The following PLXNA4 variants were observed in gnomAD, a reference collection of about 807,000 sequenced individuals.
The protein encoded by PLXNA4 is plexin-A4.
Under a neutral mutation model 191.8 loss-of-function variants are expected in PLXNA4, and 44 were observed. That is an observed-to-expected ratio of 0.23 (90% CI 0.18 to 0.29). PLXNA4 has a LOEUF of 0.29. Among genes scored for constraint, PLXNA4 ranks in the 10% least tolerant of loss-of-function variants. PLXNA4 has a pLI of 1.00. For missense variants in PLXNA4, 1,800 were observed against 2,488.8 expected (o/e 0.72, Z 5.89); for synonymous variants, 1,082 against 1,009.5 (o/e 1.07, Z -1.36).
chr7:132,273,520 G>A (rs1261419802), intron 4 of PLXNA4, among the ~76,000 whole-genome samples: 2 of 152,144 alleles, frequency 1.3e-5, no homozygotes. Flanking sequence ...CTATATTGAT[G>A]AACAGCAAGA....
intron 3 of PLXNA4, among the ~76,000 whole-genome samples, chr7:132,457,888 G>T (rs143070841): frequency 2.6e-5 from 4 of 152,226 alleles, no homozygotes; most frequent in African/African-American, 9.6e-5. Context: ...GCAAGGCAAT[G>T]AATTCTCCTC....
chr7:132,577,965 T>C (rs1232115181), upstream of PLXNA4, among the ~76,000 whole-genome samples: 1 of 152,128 alleles, frequency 6.6e-6, no homozygotes, highest in Non-Finnish European at 1.5e-5. Context: ...CTTGGTAACC[T>C]GACTTTTCCA....
chr7:132,294,603 G>A (rs769649899), intron 4 of PLXNA4, among the ~76,000 whole-genome samples: 1 of 152,194 alleles, frequency 6.6e-6, no homozygotes, highest in Non-Finnish European at 1.5e-5. Context: ...GACCATGGGG[G>A]TTCAATCCAG....
intron 5 of PLXNA4, among the ~76,000 whole-genome samples, chr7:132,240,624 T>C (rs1798845806): frequency 6.6e-6 from 1 of 152,200 alleles, no homozygotes; most frequent in Non-Finnish European, 1.5e-5. Flanking sequence ...GTGGAATCAC[T>C]AAAGGGACAG....
intron 31 of PLXNA4, among the ~76,000 whole-genome samples, chr7:132,132,742 A>G (rs75062503): frequency 0.012 from 1,879 of 152,288 alleles, 39 homozygotes; most frequent in African/African-American, 0.043. Context: ...GAGTTAGATC[A>G]GAGAAAGATG....
chr7:132,294,136 G>A (rs1239729877), intron 4 of PLXNA4, among the ~76,000 whole-genome samples: 1 of 152,198 alleles, frequency 6.6e-6, no homozygotes, highest in Non-Finnish European at 1.5e-5. Flanking sequence ...TAAAAATAGA[G>A]CCAGGAGAGG....
chr7:132,161,714 C>T lies in PLXNA4; in HGVS notation c.4501-2082G>A, dbSNP rs371957877. ...CCTAGCACCCTGGCAGGCTCCCGGG[C>T]GGGCACCTAGCGCTCTGGCAGGCTC... On this transcript the variant is annotated intron_variant, in intron 24 of 31. Coordinates refer to ENST00000321063, the MANE Select transcript of PLXNA4 (RefSeq NM_020911.2). 1.4e-3 allele frequency among the ~76,000 whole-genome samples: 211 copies of T among 149,744 alleles called. 1 individual carries two copies. The East Asian group carries it at 0.019, about 13-fold the overall frequency.
chr7:132,434,314 T>C (rs2117211161), intron 3 of PLXNA4, among the ~76,000 whole-genome samples: 1 of 152,298 alleles, frequency 6.6e-6, no homozygotes, highest in South Asian at 2.1e-4. Context: ...CACATTGCTG[T>C]CCCTGGGGCC....
At chr7:132,238,965 G>C (rs1798792906) in intron 5 of PLXNA4, among the ~76,000 whole-genome samples, 1 of 150,768 alleles carries the variant, frequency 6.6e-6, no homozygotes, top group Admixed American at 6.6e-5. Flanking sequence ...AGTGAGGCAG[G>C]GGAGACAGGC....
intron 3 of PLXNA4, among the ~76,000 whole-genome samples, chr7:132,365,364 T>TGGCGC (rs1554424583): frequency 6.8e-6 from 1 of 147,214 alleles, no homozygotes; most frequent in Non-Finnish European, 1.5e-5. Context: ...TGTGTGTGCG[T>TGGCGC]GCGCGCGCAT....
At chr7:132,569,076 C>G (rs1801859108) in intron 1 of PLXNA4, among the ~76,000 whole-genome samples, 1 of 152,230 alleles carries the variant, frequency 6.6e-6, no homozygotes, top group Non-Finnish European at 1.5e-5. Flanking sequence ...GGAGTTGACT[C>G]ATGCCTCGTG....
At chr7:132,307,288 G>A (rs1259481432) in intron 3 of PLXNA4, among the ~76,000 whole-genome samples, 1 of 151,974 alleles carries the variant, frequency 6.6e-6, no homozygotes, top group Non-Finnish European at 1.5e-5. Context: ...TCCCCATTCT[G>A]CTTTTGCTTT....
chr7:132,601,869 A>G (rs1039549521), intron 2 of PLXNA4, among the ~76,000 whole-genome samples: 5 of 152,236 alleles, frequency 3.3e-5, no homozygotes, highest in African/African-American at 1.2e-4. Context: ...TGCACACACA[A>G]CAAAGATCTA....
intron 2 of PLXNA4, among the ~76,000 whole-genome samples, chr7:132,606,045 C>T (rs1585400548): frequency 6.6e-6 from 1 of 152,276 alleles, no homozygotes; most frequent in East Asian, 1.9e-4. Context: ...ACGCCTGTAA[C>T]CTCAGCTACA....
intron 3 of PLXNA4, among the ~76,000 whole-genome samples, chr7:132,358,690 A>C (rs1563055454): frequency 6.6e-6 from 1 of 152,236 alleles, no homozygotes; most frequent in Non-Finnish European, 1.5e-5. Flanking sequence ...AAGGGATAAA[A>C]ACAAGCTTTT....
At chr7:132,244,824 C>T (rs537328393) in intron 4 of PLXNA4, among the ~76,000 whole-genome samples, 1 of 152,350 alleles carries the variant, frequency 6.6e-6, no homozygotes. Context: ...CTTTAAATCA[C>T]TTTTGAAAAC....
intron 2 of PLXNA4, among the ~76,000 whole-genome samples, chr7:132,593,202 C>A (rs6947647): frequency 0.081 from 12,368 of 152,242 alleles, 1,134 homozygotes; most frequent in African/African-American, 0.22. Flanking sequence ...AATTGACGCG[C>A]AGCGTGGGCT....
chr7:132,181,119 G>A (rs980807638), intron 18 of PLXNA4, among the ~76,000 whole-genome samples: 3 of 152,216 alleles, frequency 2.0e-5, no homozygotes, highest in African/African-American at 7.2e-5. Flanking sequence ...TGACCTGCCA[G>A]TACTTGGACT....
At position 132,298,325 on chromosome 7, in the gene PLXNA4, G is replaced by A. The variant is rs1367615893; in HGVS notation, c.1372-103C>T. On this transcript the variant is annotated intron_variant, in intron 3 of 31. Coordinates refer to ENST00000321063, the MANE Select transcript of PLXNA4 (RefSeq NM_020911.2). ...TCAACAGCCAAGGGAGAGGGCATGAGTTCTGTCTCCACAGTGCTCACAGGC... is the reference window on the plus strand; with the variant it reads ...TCAACAGCCAAGGGAGAGGGCATGAATTCTGTCTCCACAGTGCTCACAGGC... The A allele has an allele frequency of 3.5e-6, 5 of 1,437,890 alleles. No homozygotes were observed. The Admixed American group carries it at 6.6e-5, about 19-fold the overall frequency. The allele number at this position is 1,437,890 out of a possible 1,614,324, so 89.1% of individuals were successfully genotyped here.
Sources: allele counts gnomAD v4.1 joint callset (sites outside exome capture counted in the v4.1 genomes callset), GRCh38; gene constraint gnomAD v4.1.1; transcripts MANE v1.5; gene names NCBI Gene and HGNC (gene_info 2026-07-23, HGNC 2026-07-21).